Variants in ACTR3 observed in about 807,000 individuals in gnomAD.
ACTR3 encodes actin related protein 3.
Under a neutral mutation model 56.8 loss-of-function variants are expected in ACTR3, and 12 were observed. That is an observed-to-expected ratio of 0.21 (90% CI 0.14 to 0.34). ACTR3 has a LOEUF of 0.34. ACTR3 is among the 10% of genes least tolerant of loss of function. ACTR3 has a pLI of 1.00. For missense variants in ACTR3, 282 were observed against 512.5 expected, an observed-to-expected ratio of 0.55 and a Z score of 4.34; for synonymous variants, 162 against 167.4, an observed-to-expected ratio of 0.97 and a Z score of 0.25.
intron 1 of ACTR3, among the ~76,000 whole-genome samples, chr2:113,896,903 C>T (rs2104579881): frequency 6.6e-6 from 1 of 152,318 alleles, no homozygotes; most frequent in South Asian, 2.1e-4. Flanking sequence ...CAGCATGCTC[C>T]TGCTCCCCCA....
At chr2:113,928,243 A>G (rs1194644671) in intron 4 of ACTR3, among the ~76,000 whole-genome samples, 1 of 152,148 alleles carries the variant, frequency 6.6e-6, no homozygotes, top group Non-Finnish European at 1.5e-5. Flanking sequence ...TGAAAGAACC[A>G]TACTATGGAC....
Position 113,961,465 on chromosome 2 carries a change from A to G in ACTR3, c.*4010A>G, listed in dbSNP as rs1167853933. Reference sequence around the variant, plus strand: ...AAAGATTAAAAGTATACGATATTCTATTTTGATTTAGCAATTACTTGTTTT... The same window carrying G: ...AAAGATTAAAAGTATACGATATTCTGTTTTGATTTAGCAATTACTTGTTTT... On this transcript the variant is annotated 3_prime_UTR_variant, in exon 12 of 12. Transcript: ENST00000263238. 1.3e-5 allele frequency: 2 copies of G among 152,044 alleles called. No homozygotes were observed. Among genetic ancestry groups the G allele is most frequent in the African/African-American group, 2.4e-5 (1 of 41,456 alleles). 9.4% of individuals were successfully genotyped at this position (152,044 alleles called of 1,614,324 possible).
At chr2:113,910,195 T>C (rs1451054619) in intron 1 of ACTR3, among the ~76,000 whole-genome samples, 1 of 152,098 alleles carries the variant, frequency 6.6e-6, no homozygotes, top group Non-Finnish European at 1.5e-5. Flanking sequence ...TGATCACCAG[T>C]GGCCAATGGT....
intron 1 of ACTR3, among the ~76,000 whole-genome samples, chr2:113,900,223 C>T (rs994863726): frequency 2.0e-4 from 30 of 151,916 alleles, no homozygotes; most frequent in African/African-American, 7.0e-4. Context: ...TTATTGGAAT[C>T]CAATCAATTT....
At chr2:113,953,745 G>A (rs1680162285) in intron 10 of ACTR3, 1 of 152,008 alleles carries the variant, frequency 6.6e-6, no homozygotes, top group African/African-American at 2.4e-5. Context: ...AAACATTTTA[G>A]TATATTTCTA....
intron 1 of ACTR3, among the ~76,000 whole-genome samples, chr2:113,908,027 C>T (rs958371952): frequency 7.5e-5 from 11 of 147,452 alleles, no homozygotes; most frequent in African/African-American, 2.0e-4. Flanking sequence ...TACACTTGGT[C>T]AGGATCCTGA....
chr2:113,893,356 C>T (rs1678943653), intron 1 of ACTR3, among the ~76,000 whole-genome samples: 1 of 151,910 alleles, frequency 6.6e-6, no homozygotes. Flanking sequence ...TGCAGTGGCA[C>T]GATCTCGGCT....
chr2:113,938,510 G>A (rs1041564016), intron 6 of ACTR3, among the ~76,000 whole-genome samples: 4 of 152,192 alleles, frequency 2.6e-5, no homozygotes, highest in African/African-American at 9.7e-5. Flanking sequence ...AAGCAGGTCC[G>A]TAACAGGTTT....
rs988290655 is a variant in ACTR3 at position 113,890,222 on chromosome 2, C to G, written c.-58C>G. The G allele has an allele frequency of 6.4e-7, 1 of 1,550,408 alleles. No individual in the cohort carries two copies. On this transcript the variant is annotated 5_prime_UTR_variant, in exon 1 of 12. Coordinates refer to ENST00000263238, the MANE Select transcript of ACTR3 (RefSeq NM_005721.5). Reference sequence around the variant, plus strand: ...AGCCCTTGTCTCCCGCCGCCAATCTCTGGCCCCTAGCAGCACGGAGCAGAC... The same window carrying G: ...AGCCCTTGTCTCCCGCCGCCAATCTGTGGCCCCTAGCAGCACGGAGCAGAC...
intron 6 of ACTR3, 101 bp downstream of exon 6, chr2:113,934,487 CA>C: frequency 1.3e-6 from 1 of 769,242 alleles, no homozygotes. Context: ...TTAAATGCTG[CA>C]CTATAATTTG....
intron 1 of ACTR3, among the ~76,000 whole-genome samples, chr2:113,901,012 A>C (rs1679089007): frequency 6.6e-6 from 1 of 152,224 alleles, no homozygotes; most frequent in African/African-American, 2.4e-5. Flanking sequence ...TGAATCAGCC[A>C]CTGCATTCTT....
intron 6 of ACTR3, among the ~76,000 whole-genome samples, chr2:113,939,049 A>G (rs1679878303): frequency 6.7e-6 from 1 of 148,234 alleles, no homozygotes; most frequent in Admixed American, 6.7e-5. Flanking sequence ...TTTGAGACGG[A>G]GTTTCGCTCT....
At chr2:113,906,592 A>G (rs1474035301) in intron 1 of ACTR3, among the ~76,000 whole-genome samples, 1 of 151,830 alleles carries the variant, frequency 6.6e-6, no homozygotes, top group East Asian at 1.9e-4. Context: ...AGAGTTCTAT[A>G]GTTTTAGCTC....
intron 1 of ACTR3, among the ~76,000 whole-genome samples, chr2:113,907,170 G>A (rs1574354826): frequency 6.6e-6 from 1 of 152,204 alleles, no homozygotes; most frequent in African/African-American, 2.4e-5. Flanking sequence ...ATGAGATCAG[G>A]TTGTTTACTA....
At chr2:113,889,947 G>A (rs1198862352), upstream of ACTR3, 3 of 531,174 alleles carry the variant, frequency 5.6e-6, no homozygotes, top group East Asian at 1.0e-4. Context: ...CCGGGGCGTC[G>A]GCACCGGCGG....
intron 1 of ACTR3, among the ~76,000 whole-genome samples, chr2:113,892,933 A>G (rs889407986): frequency 7.9e-5 from 12 of 152,242 alleles, no homozygotes. Flanking sequence ...ATCGTCCAGC[A>G]AAACTCAACA....
chr2:113,954,653 C>G (rs1318204451), intron 10 of ACTR3: 1 of 150,864 alleles, frequency 6.6e-6, no homozygotes, highest in Non-Finnish European at 1.5e-5. Context: ...TTGATGCAGC[C>G]ACATCTTTTT....
intron 4 of ACTR3, among the ~76,000 whole-genome samples, chr2:113,930,909 C>CT (rs1679712027): frequency 6.6e-6 from 1 of 152,152 alleles, no homozygotes; most frequent in Non-Finnish European, 1.5e-5. Flanking sequence ...TAGATGAGGG[C>CT]TCTCCCACTG....
chr2:113,908,164 C>T (rs1458425203), intron 1 of ACTR3, among the ~76,000 whole-genome samples: 1 of 150,606 alleles, frequency 6.6e-6, no homozygotes, highest in African/African-American at 2.4e-5. Flanking sequence ...CACTGAAAAA[C>T]AAGAGCCTTG....
Sources: allele counts gnomAD v4.1 joint callset (sites outside exome capture counted in the v4.1 genomes callset), GRCh38; gene constraint gnomAD v4.1.1; transcripts MANE v1.5; gene names NCBI Gene and HGNC (gene_info 2026-07-23, HGNC 2026-07-21).